The following SPATS2L variants were observed in gnomAD, a reference collection of about 807,000 sequenced individuals.
The protein encoded by SPATS2L is SPATS2-like protein.
A neutral mutation model predicts 59.6 loss-of-function variants in SPATS2L; 30 were observed. The observed-to-expected ratio is 0.50, with a 90% CI of 0.38 to 0.68. The LOEUF (loss-of-function observed/expected upper bound fraction) is 0.68. SPATS2L is among the 30% of genes least tolerant of loss of function. The probability of loss-of-function intolerance (pLI) is 0.00; values close to 1 mark genes in which losing one functional copy is unlikely to be tolerated. For missense variants in SPATS2L, 615 were observed against 700.0 expected, an observed-to-expected ratio of 0.88 and a Z score of 1.37; for synonymous variants, 252 against 263.5, an observed-to-expected ratio of 0.96 and a Z score of 0.42.
intron 8 of SPATS2L, among the ~76,000 whole-genome samples, chr2:200,458,369 A>AT (rs1350034731): frequency 6.7e-6 from 1 of 150,164 alleles, no homozygotes; most frequent in African/African-American, 2.4e-5. Flanking sequence ...ATTCAGTCTC[A>AT]TTTTTTTTCA....
chr2:200,330,436 C>T (rs570924996), intron 2 of SPATS2L, among the ~76,000 whole-genome samples: 5 of 152,120 alleles, frequency 3.3e-5, no homozygotes, highest in Admixed American at 6.5e-5. Context: ...TGAATAGAAT[C>T]GAATATTTTA....
At position 200,379,689 on chromosome 2, in the gene SPATS2L, TG is replaced by T. The variant is rs553183542; in HGVS notation, c.-22-9527del. 1.7e-3 allele frequency among the ~76,000 whole-genome samples: 247 copies of T among 149,104 alleles called. 1 individual carries two copies. Among genetic ancestry groups the T allele is most frequent in the Middle Eastern group, 3.4e-3 (1 of 294 alleles). ...GGATTTGGGATTTGCCAGCGGGTGG[TG>T]GGGGGGATGGGGGAGGAAAGCAGTG... On this transcript the variant is annotated intron_variant, in intron 2 of 12. Transcript: ENST00000409140.
chr2:200,476,825 C>A (rs2087558328), intron 12 of SPATS2L, among the ~76,000 whole-genome samples: 1 of 152,234 alleles, frequency 6.6e-6, no homozygotes, highest in Admixed American at 6.5e-5. Context: ...TCTTGTCCAG[C>A]ATCCATGAAA....
At chr2:200,387,356 C>T (rs1211156161) in intron 2 of SPATS2L, among the ~76,000 whole-genome samples, 1 of 152,204 alleles carries the variant, frequency 6.6e-6, no homozygotes, top group African/African-American at 2.4e-5. Context: ...TGGGAAAGCG[C>T]TGCTTTACTG....
intron 3 of SPATS2L, among the ~76,000 whole-genome samples, chr2:200,404,578 TCTC>T (rs1001454122): frequency 3.3e-5 from 5 of 152,132 alleles, no homozygotes; most frequent in African/African-American, 1.2e-4. Flanking sequence ...GGGAAAGACA[TCTC>T]CTTATAAGGA....
chr2:200,456,832 A>G (rs1388646028), intron 8 of SPATS2L, among the ~76,000 whole-genome samples: 1 of 151,666 alleles, frequency 6.6e-6, no homozygotes, highest in South Asian at 2.1e-4. Flanking sequence ...AAACCCAGGG[A>G]CTCTATTTAT....
chr2:200,329,572 T>TCAC, intron 2 of SPATS2L, 92 bp downstream of exon 2: 1 of 1,171,210 alleles, frequency 8.5e-7, no homozygotes. Flanking sequence ...GGGAGCCTTG[T>TCAC]CACAGCCTTT....
chr2:200,397,524 T>G (rs1469404627), intron 3 of SPATS2L, among the ~76,000 whole-genome samples: 1 of 152,138 alleles, frequency 6.6e-6, no homozygotes, highest in Non-Finnish European at 1.5e-5. Context: ...CTTAAAATTG[T>G]TATTGTTTGT....
intron 3 of SPATS2L, among the ~76,000 whole-genome samples, chr2:200,399,352 A>G (rs1574395993): frequency 6.6e-6 from 1 of 152,268 alleles, no homozygotes. Flanking sequence ...TCCACTTAGC[A>G]TAGCATCCTC....
In SPATS2L at chr2:200,351,364, CTA is replaced by C. The variant is rs1262795566; in HGVS notation, c.-23+21887_-23+21888del. 5 of 464,050 alleles carry C rather than the reference CTA, an allele frequency of 1.1e-5. No homozygotes were observed. In the East Asian group the frequency reaches 3.5e-4, roughly 32 times the overall value. The allele number at this position is 464,050 out of a possible 1,614,324, so 28.7% of individuals were successfully genotyped here. A position where few individuals can be genotyped will look rare whatever the true frequency, so the allele number is the denominator to read the frequency against. On this transcript the variant is annotated intron_variant, in intron 2 of 12. Coordinates refer to ENST00000409140, the MANE Select transcript of SPATS2L (RefSeq NM_001100423.2). ...TAATGTATGCTAGAAGATTTTGTGACTATAGTAATATATTTGCAGTAAAAACA... is the reference window on the plus strand; with the variant it reads ...TAATGTATGCTAGAAGATTTTGTGACTAGTAATATATTTGCAGTAAAAACA...
chr2:200,467,198 A>G, intron 9 of SPATS2L, 92 bp from the exon 10 acceptor site: 3 of 859,840 alleles, frequency 3.5e-6, no homozygotes. Context: ...CAAAGCAATC[A>G]GTCTGTGGAG....
At chr2:200,413,644 A>G (rs1330096159) in intron 4 of SPATS2L, among the ~76,000 whole-genome samples, 1 of 152,196 alleles carries the variant, frequency 6.6e-6, no homozygotes, top group Admixed American at 6.5e-5. Context: ...CAGTTTGTCA[A>G]GGACAGTTTG....
intron 3 of SPATS2L, among the ~76,000 whole-genome samples, chr2:200,407,284 G>A (rs1227073377): frequency 6.6e-6 from 1 of 152,200 alleles, no homozygotes; most frequent in African/African-American, 2.4e-5. Context: ...GAGCTAGCAT[G>A]TAGCAGAAGC....
rs150798868 is a variant in SPATS2L, at chr2:200,342,224, G to A, written c.-23+12744G>A. Reference sequence around the variant, plus strand: ...CAGCACAGGGCCCTGAAACACAAGAGATATTGGGCAAGGGATAGACCAGTG... The same window carrying A: ...CAGCACAGGGCCCTGAAACACAAGAAATATTGGGCAAGGGATAGACCAGTG... On this transcript the variant is annotated intron_variant, in intron 2 of 12. Transcript: ENST00000409140. Among the ~76,000 whole-genome samples the A allele has an allele frequency of 1.1e-4, 17 of 152,300 alleles. No individual in the cohort carries two copies. The East Asian group carries it at 3.3e-3, about 29-fold the overall frequency.
rs755947642 is a variant in SPATS2L, at chr2:200,469,949, C to T, written c.993C>T (p.Leu331=). ...GCGAGCGTAAATATGACGAGGAGCT[C>T]GGGAAAGCTGCCCGGTTTTCCTGTG... is the stretch of plus-strand genomic sequence containing the variant. The part of the protein sequence containing the change: ...FVSERKYDEE[L]GKAARFSCDI... Residue 331 remains leucine, a synonymous_variant, in exon 11 of 13, where the codon CTC becomes CTT. Coordinates refer to ENST00000409140, the MANE Select transcript of SPATS2L (RefSeq NM_001100423.2). 3.7e-6 allele frequency: 6 copies of T among 1,612,064 alleles called. No individual in the cohort carries two copies. The highest frequency in any genetic ancestry group is 2.2e-5 in the East Asian group (1 of 44,822).
intron 8 of SPATS2L, among the ~76,000 whole-genome samples, chr2:200,453,480 C>T (rs1443758334): frequency 6.6e-6 from 1 of 152,184 alleles, no homozygotes; most frequent in Admixed American, 6.5e-5. Flanking sequence ...GCTGGTAATA[C>T]TTGGGGAGTT....
intron 2 of SPATS2L, among the ~76,000 whole-genome samples, chr2:200,331,809 T>C (rs1183571079): frequency 6.6e-6 from 1 of 152,230 alleles, no homozygotes; most frequent in African/African-American, 2.4e-5. Flanking sequence ...TTGTTGTTAT[T>C]GGTAAGACAG....
At chr2:200,315,392 A>G (rs1293296775) in intron 1 of SPATS2L, among the ~76,000 whole-genome samples, 1 of 152,168 alleles carries the variant, frequency 6.6e-6, no homozygotes, top group Non-Finnish European at 1.5e-5. Flanking sequence ...TGGTAGAGGA[A>G]GGATTTGAGG....
chr2:200,435,431 C>A (rs2043767), intron 6 of SPATS2L, among the ~76,000 whole-genome samples: 60,206 of 151,834 alleles, frequency 0.4, 11,988 homozygotes, highest in Middle Eastern at 0.49. Context: ...GATAACTTTT[C>A]TTTCCAAGAT....
Sources: gnomAD v4.1 joint callset for allele counts (sites outside exome capture counted in the v4.1 genomes callset) on GRCh38, gnomAD v4.1.1 for gene constraint, MANE v1.5 for transcripts, NCBI Gene and HGNC (gene_info 2026-07-23, HGNC 2026-07-21) for gene names.